Variants in TECRL observed in about 807,000 individuals in gnomAD.
TECRL encodes trans-2,3-enoyl-CoA reductase-like.
TECRL carries 63 observed loss-of-function variants against 52.8 expected under a neutral mutation model. The observed-to-expected ratio is 1.19, with a 90% CI of 0.97 to 1.47. The LOEUF (loss-of-function observed/expected upper bound fraction) is 1.47. TECRL is among the 40% of genes most tolerant of loss of function. The probability of loss-of-function intolerance (pLI) is 0.00; values close to 1 mark genes in which losing one functional copy is unlikely to be tolerated. For missense variants in TECRL, 482 were observed against 429.6 expected, an observed-to-expected ratio of 1.12 and a Z score of -1.08; for synonymous variants, 164 against 141.9, an observed-to-expected ratio of 1.16 and a Z score of -1.10.
At chr4:64,369,408 C>T (rs1436877178) in intron 2 of TECRL, among the ~76,000 whole-genome samples, 1 of 152,028 alleles carries the variant, frequency 6.6e-6, no homozygotes, top group Non-Finnish European at 1.5e-5. Flanking sequence ...CAATTGTGAA[C>T]TATGTTCAGA....
chr4:64,377,533 T>A (rs1169191854), intron 1 of TECRL, among the ~76,000 whole-genome samples: 3 of 152,064 alleles, frequency 2.0e-5, no homozygotes, highest in Non-Finnish European at 1.5e-5. Flanking sequence ...ATGGGAGTTA[T>A]CTGAAACCCT....
chr4:64,399,667 T>C (rs904269294), intron 1 of TECRL, among the ~76,000 whole-genome samples: 1 of 152,164 alleles, frequency 6.6e-6, no homozygotes, highest in Non-Finnish European at 1.5e-5. Context: ...TCAACCCTGG[T>C]GCAAAGGGAC....
intron 2 of TECRL, among the ~76,000 whole-genome samples, chr4:64,350,692 G>A (rs1720325133): frequency 6.6e-6 from 1 of 151,912 alleles, no homozygotes; most frequent in Admixed American, 6.6e-5. Flanking sequence ...TGAAGAAGAA[G>A]AAAATTTGCC....
intron 2 of TECRL, among the ~76,000 whole-genome samples, chr4:64,328,843 T>A (rs1718436268): frequency 6.6e-6 from 1 of 151,948 alleles, no homozygotes; most frequent in African/African-American, 2.4e-5. Flanking sequence ...TCAGGTAGTA[T>A]GAGCTATGAC....
At chr4:64,339,486 C>T (rs1415729057) in intron 2 of TECRL, among the ~76,000 whole-genome samples, 1 of 151,522 alleles carries the variant, frequency 6.6e-6, no homozygotes, top group African/African-American at 2.4e-5. Context: ...TTTCCATTTT[C>T]CTTGTGGAAT....
At chr4:64,301,547 C>G (rs1452541778) in intron 7 of TECRL, among the ~76,000 whole-genome samples, 1 of 151,086 alleles carries the variant, frequency 6.6e-6, no homozygotes, top group Non-Finnish European at 1.5e-5. Context: ...TATAGTCTGA[C>G]CCAGAAAAGT....
At chr4:64,344,810 G>A (rs182314122) in intron 2 of TECRL, among the ~76,000 whole-genome samples, 29 of 152,188 alleles carry the variant, frequency 1.9e-4, no homozygotes, top group African/African-American at 7.0e-4. Flanking sequence ...TTTTTTGTTT[G>A]TTTGTCTGTT....
intron 8 of TECRL, among the ~76,000 whole-genome samples, chr4:64,291,252 A>T (rs995780695): frequency 1.3e-4 from 20 of 152,066 alleles, no homozygotes; most frequent in African/African-American, 4.6e-4. Flanking sequence ...TTATTGTGAT[A>T]ATTTTAGTTA....
chr4:64,337,721 G>A (rs997852986), intron 2 of TECRL, among the ~76,000 whole-genome samples: 18 of 152,166 alleles, frequency 1.2e-4, no homozygotes, highest in African/African-American at 3.9e-4. Flanking sequence ...AACTTACAAG[G>A]GATATGAAGG....
chr4:64,374,317 C>A (rs1722220755), intron 2 of TECRL, among the ~76,000 whole-genome samples: 1 of 151,110 alleles, frequency 6.6e-6, no homozygotes, highest in Admixed American at 6.6e-5. Context: ...GTACATTCAC[C>A]ATTTGCAATT....
chr4:64,334,665 A>G (rs911297508), intron 2 of TECRL, among the ~76,000 whole-genome samples: 1 of 152,334 alleles, frequency 6.6e-6, no homozygotes, highest in African/African-American at 2.4e-5. Flanking sequence ...AAGTTTCTAT[A>G]GGAAAACAAA....
chr4:64,336,060 T>C (rs1312946177), intron 2 of TECRL, among the ~76,000 whole-genome samples: 1 of 152,178 alleles, frequency 6.6e-6, no homozygotes, highest in Non-Finnish European at 1.5e-5. Context: ...TCTTTTTCTA[T>C]TGATTGGAAT....
At chr4:64,340,603 T>C (rs1400599566) in intron 2 of TECRL, among the ~76,000 whole-genome samples, 5 of 152,172 alleles carry the variant, frequency 3.3e-5, no homozygotes, top group African/African-American at 1.2e-4. Flanking sequence ...AGGAAAGCCA[T>C]AGGGGTACTA....
intron 4 of TECRL, 77 bp from the exon 5 acceptor site, chr4:64,314,840 C>G (rs1406985098): frequency 4.0e-6 from 4 of 1,002,404 alleles, no homozygotes; most frequent in Non-Finnish European, 6.2e-6. Flanking sequence ...TGAGTATTAG[C>G]CTACTGCATA....
rs139443007 is a variant in TECRL, at chr4:64,299,696, C to T, written c.774+278G>A. 2.0e-4 allele frequency among the ~76,000 whole-genome samples: 30 copies of T among 150,978 alleles called. No homozygotes were observed. In the East Asian group the frequency reaches 5.2e-3, roughly 26 times the overall value. ...CTCTTTATAGGTTGGTAAATGTGCA[C>T]ACAGTAGCATCAGTGAGTATAAATT... On this transcript the variant is annotated intron_variant, in intron 8 of 11. Coordinates refer to ENST00000381210, the MANE Select transcript of TECRL (RefSeq NM_001010874.5).
intron 2 of TECRL, among the ~76,000 whole-genome samples, chr4:64,348,286 C>T (rs1720134833): frequency 6.6e-6 from 1 of 152,126 alleles, no homozygotes; most frequent in Admixed American, 6.6e-5. Context: ...ACAGAGGAAA[C>T]TGCCATTTAT....
At chr4:64,392,016 C>A (rs1723581809) in intron 1 of TECRL, among the ~76,000 whole-genome samples, 1 of 151,798 alleles carries the variant, frequency 6.6e-6, no homozygotes, top group Non-Finnish European at 1.5e-5. Context: ...TTAAAACAGT[C>A]CATGCTTATT....
At chr4:64,390,573 G>A (rs1426854683) in intron 1 of TECRL, among the ~76,000 whole-genome samples, 1 of 151,778 alleles carries the variant, frequency 6.6e-6, no homozygotes, top group East Asian at 1.9e-4. Flanking sequence ...CATCCACATT[G>A]AGCATGTCAT....
intron 2 of TECRL, among the ~76,000 whole-genome samples, chr4:64,338,509 G>A (rs1719297107): frequency 6.6e-6 from 1 of 151,996 alleles, no homozygotes; most frequent in Non-Finnish European, 1.5e-5. Context: ...TACAGAATGG[G>A]AGAAAATTTT....
Sources: allele counts gnomAD v4.1 joint callset (sites outside exome capture counted in the v4.1 genomes callset), GRCh38; gene constraint gnomAD v4.1.1; transcripts MANE v1.5; gene names NCBI Gene and HGNC (gene_info 2026-07-23, HGNC 2026-07-21).